SAMD8: variants seen among roughly 807,000 people sequenced by gnomAD.
The protein encoded by SAMD8 is sterile alpha motif domain containing 8.
SAMD8 carries 20 observed loss-of-function variants against 42.0 expected under a neutral mutation model. The ratio of observed to expected loss-of-function variants is 0.48; its 90% CI spans 0.34 to 0.69. The LOEUF is 0.69. Ranked by LOEUF, SAMD8 falls within the 30% of genes least tolerant of loss-of-function variation. The pLI is 0.01. For synonymous variants in SAMD8, 162 were observed against 173.0 expected (o/e 0.94, Z 0.50); for missense variants, 328 against 511.6 (o/e 0.64, Z 3.46).
intron 2 of SAMD8, among the ~76,000 whole-genome samples, chr10:75,161,584 A>G (rs2804523): frequency 0.55 from 84,219 of 151,814 alleles, 25,242 homozygotes; most frequent in East Asian, 0.9. Flanking sequence ...AAACAAAATA[A>G]GGAGCAGACG....
At chr10:75,131,930 T>C (rs549168399) in intron 1 of SAMD8, among the ~76,000 whole-genome samples, 16 of 152,356 alleles carry the variant, frequency 1.1e-4, no homozygotes, top group African/African-American at 3.4e-4. Flanking sequence ...AATTTCTGTC[T>C]CTTCTGAGAT....
chr10:75,134,409 C>T (rs1384364154), intron 1 of SAMD8, among the ~76,000 whole-genome samples: 2 of 151,778 alleles, frequency 1.3e-5, no homozygotes, highest in South Asian at 2.1e-4. Context: ...CCGAGGCCGG[C>T]GGATCACCTG....
chr10:75,170,405 A>G (rs1410584221), intron 4 of SAMD8, among the ~76,000 whole-genome samples: 1 of 152,192 alleles, frequency 6.6e-6, no homozygotes, highest in Non-Finnish European at 1.5e-5. Flanking sequence ...AGCTAAAAAT[A>G]TACCCCTGAG....
intron 1 of SAMD8, among the ~76,000 whole-genome samples, chr10:75,126,447 G>A (rs1849138019): frequency 6.7e-6 from 1 of 150,332 alleles, no homozygotes; most frequent in African/African-American, 2.4e-5. Context: ...CATATAGTAT[G>A]TGTACAGTAA....
At chr10:75,161,953 G>A (rs983018194) in intron 2 of SAMD8, among the ~76,000 whole-genome samples, 7 of 152,126 alleles carry the variant, frequency 4.6e-5, no homozygotes, top group African/African-American at 1.4e-4. Context: ...AGGGAGAATT[G>A]CTTGAACCCA....
At chr10:75,134,405 C>T (rs549999088) in intron 1 of SAMD8, among the ~76,000 whole-genome samples, 1 of 152,214 alleles carries the variant, frequency 6.6e-6, no homozygotes, top group South Asian at 2.1e-4. Context: ...GAGGCCGAGG[C>T]CGGCGGATCA....
At chr10:75,109,213 G>A, upstream of SAMD8, 3 of 1,473,368 alleles carry the variant, frequency 2.0e-6, no homozygotes, top group Non-Finnish European at 2.7e-6. Flanking sequence ...CCTCTCCAGT[G>A]TCATTTCTCC....
At chr10:75,133,833 A>G (rs1849326057) in intron 1 of SAMD8, among the ~76,000 whole-genome samples, 1 of 152,184 alleles carries the variant, frequency 6.6e-6, no homozygotes, top group Admixed American at 6.5e-5. Context: ...AGGAGGATGG[A>G]TAGAGGTTGG....
chr10:75,155,664 A>G (rs1436895945), intron 2 of SAMD8, among the ~76,000 whole-genome samples: 1 of 152,180 alleles, frequency 6.6e-6, no homozygotes. Flanking sequence ...ACATGAAGGT[A>G]CTCCACAAAT....
intron 4 of SAMD8, among the ~76,000 whole-genome samples, chr10:75,169,192 A>T (rs1589976794): frequency 6.9e-6 from 1 of 145,452 alleles, no homozygotes; most frequent in East Asian, 2.0e-4. Flanking sequence ...AAAAAAAAAA[A>T]AGTTTTTATT....
chr10:75,100,425 C>A (rs1025777115), intron 1 of SAMD8, among the ~76,000 whole-genome samples: 4 of 152,188 alleles, frequency 2.6e-5, no homozygotes, highest in Non-Finnish European at 5.9e-5. Context: ...GGCCACCCCC[C>A]CAGGGACTCG....
chr10:75,113,813 G>A (rs756876408), intron 1 of SAMD8, among the ~76,000 whole-genome samples: 5 of 152,148 alleles, frequency 3.3e-5, no homozygotes, highest in Non-Finnish European at 4.4e-5. Context: ...TATCTTTAGA[G>A]TGAGATCCTC....
chr10:75,108,899 T>C (rs1239340789), upstream of SAMD8: 1 of 1,407,224 alleles, frequency 7.1e-7, no homozygotes, highest in East Asian at 2.7e-5. Context: ...CCTGGGATGG[T>C]CAGAGCAGAG....
At chr10:75,128,097 G>A (rs1396849135) in intron 1 of SAMD8, among the ~76,000 whole-genome samples, 2 of 120,166 alleles carry the variant, frequency 1.7e-5, no homozygotes, top group Non-Finnish European at 3.3e-5. Flanking sequence ...TTTTTTTTGA[G>A]ACAGAGTCGC....
intron 3 of SAMD8, 80 bp from the exon 4 acceptor site, chr10:75,168,461 T>G: frequency 6.3e-7 from 1 of 1,575,930 alleles, no homozygotes; most frequent in South Asian, 1.2e-5. Flanking sequence ...TTGCTCTTCC[T>G]TGAAGTAAAT....
chr10:75,172,093 G>T (rs1272123917), intron 4 of SAMD8, among the ~76,000 whole-genome samples: 2 of 151,658 alleles, frequency 1.3e-5, no homozygotes, highest in Non-Finnish European at 2.9e-5. Flanking sequence ...TTTCACTACT[G>T]CCAACATGTA....
At chr10:75,106,316 C>T (rs1200138373) in intron 1 of SAMD8, among the ~76,000 whole-genome samples, 5 of 151,994 alleles carry the variant, frequency 3.3e-5, no homozygotes, top group Non-Finnish European at 5.9e-5. Context: ...ACCTTCAGCT[C>T]GAGAAACATG....
At position 75,150,562 on chromosome 10, in the gene SAMD8, T is replaced by G. The variant is rs758968596; in HGVS notation, c.34T>G (p.Trp12Gly). ...AGPNQLCIRRWTTKHVAVWLK... is the reference protein window; with the variant it reads ...AGPNQLCIRRGTTKHVAVWLK... ...TCCTAATCAACTCTGCATTCGCCGCTGGACTACCAAGCATGTAGCTGTGTG... is the reference window on the plus strand; with the variant it reads ...TCCTAATCAACTCTGCATTCGCCGCGGGACTACCAAGCATGTAGCTGTGTG... The change falls in exon 2 of 6, where the codon TGG becomes GGG. Residue 12 changes from tryptophan to glycine, a missense_variant. By Grantham distance (184) the Trp-to-Gly change is radical. This residue lies in a region of SAMD8 where 150 missense variants were observed against 186.0 expected (regional missense o/e 0.81). Transcript: ENST00000542569. 1.9e-6 allele frequency: 3 copies of G among 1,614,130 alleles called. No individual in the cohort carries two copies.
At chr10:75,113,047 T>C (rs1340442623) in intron 1 of SAMD8, among the ~76,000 whole-genome samples, 1 of 152,176 alleles carries the variant, frequency 6.6e-6, no homozygotes, top group African/African-American at 2.4e-5. Context: ...TTGCAGGTAT[T>C]GTGTGAATAG....
Sources: gnomAD v4.1 joint callset for allele counts (sites outside exome capture counted in the v4.1 genomes callset) on GRCh38, gnomAD v4.1.1 for gene constraint, gnomAD v4.1.1 regional missense constraint, MANE v1.5 for transcripts, NCBI Gene and HGNC (gene_info 2026-07-23, HGNC 2026-07-21) for gene names.